The following CNTNAP2 variants were observed in gnomAD, a reference collection of about 807,000 sequenced individuals.
The protein encoded by CNTNAP2 is contactin-associated protein-like 2.
In CNTNAP2, 98 loss-of-function variants were observed where a neutral mutation model predicts 155.2. That is an observed-to-expected ratio of 0.63 (90% CI 0.54 to 0.75). The LOEUF (loss-of-function observed/expected upper bound fraction) is 0.75, where lower values mean the gene tolerates loss of function less well. Among genes scored for constraint, CNTNAP2 ranks in the 30% least tolerant of loss-of-function variants. The pLI, the probability that CNTNAP2 is intolerant of heterozygous loss-of-function variation, is 0.00. For missense variants in CNTNAP2, 1,727 were observed against 1,688.1 expected, an observed-to-expected ratio of 1.02 and a Z score of -0.40; for synonymous variants, 651 against 631.2, an observed-to-expected ratio of 1.03 and a Z score of -0.47.
At chr7:146,149,346 T>G (rs2116771980) in intron 1 of CNTNAP2, among the ~76,000 whole-genome samples, 1 of 152,240 alleles carries the variant, frequency 6.6e-6, no homozygotes, top group Non-Finnish European at 1.5e-5. Flanking sequence ...TCATATTTGT[T>G]TGTTTCCAAG....
chr7:146,835,669 C>A (rs1803602970), intron 2 of CNTNAP2, among the ~76,000 whole-genome samples: 1 of 152,100 alleles, frequency 6.6e-6, no homozygotes, highest in Non-Finnish European at 1.5e-5. Context: ...AACAGATTAT[C>A]AGGAAGTGGT....
chr7:146,693,076 A>G (rs1800723797), intron 1 of CNTNAP2, among the ~76,000 whole-genome samples: 1 of 152,100 alleles, frequency 6.6e-6, no homozygotes, highest in African/African-American at 2.4e-5. Context: ...AAATCACTTG[A>G]TATCTCTGAA....
chr7:146,491,306 T>A (rs1017793438), intron 1 of CNTNAP2, among the ~76,000 whole-genome samples: 1 of 152,088 alleles, frequency 6.6e-6, no homozygotes, highest in Admixed American at 6.6e-5. Flanking sequence ...TGGGTTCTGC[T>A]CACTTCTCTG....
chr7:146,542,488 A>T lies in CNTNAP2; in HGVS notation c.98-231783A>T, dbSNP rs186287354. On this transcript the variant is annotated intron_variant, in intron 1 of 23. Transcript: ENST00000361727. ...TGTTCTAAAGACAACTGTTCCAGTA[A>T]ATCCTCTTTATTTGAAAATTCAGAC... Among the ~76,000 whole-genome samples, 609 of 151,980 alleles carry T rather than the reference A, an allele frequency of 4.0e-3. 3 individuals carry two copies. Among genetic ancestry groups the T allele is most frequent in the African/African-American group, 0.014 (564 of 41,486 alleles).
rs1448372792 is a variant in CNTNAP2, at chr7:147,173,301, A to G, written c.1348+40792A>G. 3.9e-5 allele frequency among the ~76,000 whole-genome samples: 6 copies of G among 151,966 alleles called. No homozygotes were observed. The East Asian group carries it at 9.7e-4, about 25-fold the overall frequency. ...AAGTCCTACTTTTTTTTTTTAACAA[A>G]TCCTTTCTCCTGTCTCCTCCAGATG... On this transcript the variant is annotated intron_variant, in intron 8 of 23. Transcript: ENST00000361727.
chr7:146,988,491 T>C (rs933503116), intron 3 of CNTNAP2, among the ~76,000 whole-genome samples: 2 of 152,158 alleles, frequency 1.3e-5, no homozygotes, highest in African/African-American at 4.8e-5. Context: ...TCCTTTGAAA[T>C]GCTTAAACTT....
At chr7:147,959,815 T>A (rs1034264066) in intron 14 of CNTNAP2, among the ~76,000 whole-genome samples, 2 of 152,214 alleles carry the variant, frequency 1.3e-5, no homozygotes, top group East Asian at 3.9e-4. Context: ...AGTCCTCAAC[T>A]TGGTTCAGGA....
At chr7:146,954,213 A>T (rs191705170) in intron 3 of CNTNAP2, among the ~76,000 whole-genome samples, 79 of 152,084 alleles carry the variant, frequency 5.2e-4, no homozygotes, top group African/African-American at 1.9e-3. Flanking sequence ...AGTGTTTAAT[A>T]AAATGGTATT....
At chr7:148,175,939 C>T (rs1469315846) in intron 18 of CNTNAP2, among the ~76,000 whole-genome samples, 1 of 152,138 alleles carries the variant, frequency 6.6e-6, no homozygotes. Flanking sequence ...ATCCCTGTCT[C>T]TGTCTCTGTC....
intron 9 of CNTNAP2, among the ~76,000 whole-genome samples, chr7:147,354,073 C>A (rs1269977678): frequency 6.6e-6 from 1 of 151,940 alleles, no homozygotes; most frequent in African/African-American, 2.4e-5. Context: ...AATTTTCTCC[C>A]ATTCTGTAGG....
At chr7:147,255,960 C>T (rs930958538) in intron 8 of CNTNAP2, among the ~76,000 whole-genome samples, 10 of 152,056 alleles carry the variant, frequency 6.6e-5, no homozygotes, top group African/African-American at 2.4e-4. Context: ...AGGCTGGTCT[C>T]GAACTCCTCA....
At chr7:147,104,873 CATATATATATATATAT>C (rs56674675) in intron 4 of CNTNAP2, among the ~76,000 whole-genome samples, 7,653 of 101,334 alleles carry the variant, frequency 0.076, 328 homozygotes, top group Middle Eastern at 0.11. Flanking sequence ...CTTCCTCCCT[CATATATATATATATAT>C]ATATATATAT....
chr7:147,208,340 A>G (rs1803063239), intron 8 of CNTNAP2, among the ~76,000 whole-genome samples: 1 of 152,042 alleles, frequency 6.6e-6, no homozygotes, highest in Non-Finnish European at 1.5e-5. Flanking sequence ...GAATTCCAGG[A>G]TATATTTTTA....
At chr7:147,400,476 A>C (rs1796894005) in intron 10 of CNTNAP2, among the ~76,000 whole-genome samples, 1 of 151,964 alleles carries the variant, frequency 6.6e-6, no homozygotes. Flanking sequence ...ATGTTAACAT[A>C]TTTTGAGCTT....
intron 1 of CNTNAP2, among the ~76,000 whole-genome samples, chr7:146,151,667 T>TAC (rs1798047693): frequency 8.4e-5 from 5 of 59,868 alleles, no homozygotes; most frequent in African/African-American, 2.1e-4. Context: ...TATATATATA[T>TAC]ATATATATAT....
At chr7:146,382,841 A>C (rs1288043758) in intron 1 of CNTNAP2, among the ~76,000 whole-genome samples, 1 of 152,208 alleles carries the variant, frequency 6.6e-6, no homozygotes, top group East Asian at 1.9e-4. Context: ...TTCTATAGCC[A>C]AATGAAATCA....
At chr7:148,275,954 A>G (rs1220026198) in intron 21 of CNTNAP2, among the ~76,000 whole-genome samples, 2 of 152,144 alleles carry the variant, frequency 1.3e-5, no homozygotes, top group Non-Finnish European at 1.5e-5. Flanking sequence ...ACAGTGTGCT[A>G]TGAGAGAAAT....
At chr7:147,128,585 G>A (rs755406672) in intron 6 of CNTNAP2, 108 bp from the exon 7 acceptor site, 10 of 1,210,470 alleles carry the variant, frequency 8.3e-6, no homozygotes, top group African/African-American at 3.0e-5. Context: ...TATAATATTT[G>A]TATATTTTGG....
At chr7:147,501,332 A>AT (rs1445723303) in intron 11 of CNTNAP2, among the ~76,000 whole-genome samples, 1 of 152,062 alleles carries the variant, frequency 6.6e-6, no homozygotes, top group Non-Finnish European at 1.5e-5. Flanking sequence ...AAAGACAAGG[A>AT]TCCCCACTCC....
Sources: allele counts gnomAD v4.1 joint callset (sites outside exome capture counted in the v4.1 genomes callset), GRCh38; gene constraint gnomAD v4.1.1; transcripts MANE v1.5; gene names NCBI Gene and HGNC (gene_info 2026-07-23, HGNC 2026-07-21).